Variants in LPAR1 observed in about 807,000 individuals in gnomAD.
The protein encoded by LPAR1 is LPA receptor 1.
Under a neutral mutation model 23.8 loss-of-function variants are expected in LPAR1, and 5 were observed. That is an observed-to-expected ratio of 0.21 (90% CI 0.11 to 0.44). The LOEUF (loss-of-function observed/expected upper bound fraction) is 0.44. Ranked by LOEUF, LPAR1 falls within the 20% of genes least tolerant of loss-of-function variation. The pLI, the probability that LPAR1 is intolerant of heterozygous loss-of-function variation, is 0.99. For synonymous variants in LPAR1, 160 were observed against 164.7 expected, an observed-to-expected ratio of 0.97 and a Z score of 0.22; for missense variants, 311 against 482.8, an observed-to-expected ratio of 0.64 and a Z score of 3.33.
In LPAR1 at chr9:110,951,385, A is replaced by T. The variant is rs150036284; in HGVS notation, c.46-9217T>A. On this transcript the variant is annotated intron_variant, in intron 4 of 5. Transcript: ENST00000683809. ...AAATTAGTAGAAACTTTAGAAACAC[A>T]CATAAGAAAGACTTTCTCTACAGTG... 1.5e-4 allele frequency among the ~76,000 whole-genome samples: 23 copies of T among 152,292 alleles called. No individual in the cohort carries two copies. In the East Asian group the frequency reaches 4.4e-3, roughly 29 times the overall value.
At chr9:110,958,769 T>C (rs2095845585) in intron 4 of LPAR1, among the ~76,000 whole-genome samples, 1 of 151,894 alleles carries the variant, frequency 6.6e-6, no homozygotes, top group African/African-American at 2.4e-5. Context: ...AGGCAACTGG[T>C]TGAATGGGAT....
At chr9:110,931,997 C>T (rs1022927198) in intron 5 of LPAR1, among the ~76,000 whole-genome samples, 62 of 152,078 alleles carry the variant, frequency 4.1e-4, no homozygotes, top group African/African-American at 1.5e-3. Context: ...ATTGACTTGG[C>T]AATGCGGGAA....
At chr9:110,886,134 G>A (rs12335842) in intron 5 of LPAR1, among the ~76,000 whole-genome samples, 4,868 of 151,310 alleles carry the variant, frequency 0.032, 273 homozygotes, top group African/African-American at 0.11. Context: ...AGAGGTAGAG[G>A]TTGCAGTGAG....
At chr9:110,892,560 A>T (rs944873002) in intron 5 of LPAR1, among the ~76,000 whole-genome samples, 2 of 151,778 alleles carry the variant, frequency 1.3e-5, no homozygotes, top group African/African-American at 4.8e-5. Flanking sequence ...GCTGCTCAGG[A>T]GGCTGAGGCA....
At chr9:110,956,852 A>T (rs1220332351) in intron 4 of LPAR1, among the ~76,000 whole-genome samples, 1 of 152,202 alleles carries the variant, frequency 6.6e-6, no homozygotes, top group East Asian at 1.9e-4. Context: ...AAATTCTACC[A>T]AACTTACAAA....
At chr9:110,926,149 T>C (rs2094012482) in intron 5 of LPAR1, among the ~76,000 whole-genome samples, 1 of 152,170 alleles carries the variant, frequency 6.6e-6, no homozygotes, top group Non-Finnish European at 1.5e-5. Flanking sequence ...CTCGATCTCC[T>C]GACCTCGTGA....
At chr9:110,961,937 A>T (rs989224208) in intron 4 of LPAR1, among the ~76,000 whole-genome samples, 2 of 152,222 alleles carry the variant, frequency 1.3e-5, no homozygotes, top group African/African-American at 4.8e-5. Context: ...GTGGGAACAC[A>T]GTCAAACCAT....
At chr9:111,009,849 A>G (rs2418129) in intron 2 of LPAR1, among the ~76,000 whole-genome samples, 25,846 of 151,076 alleles carry the variant, frequency 0.17, 2,867 homozygotes, top group African/African-American at 0.31. Context: ...TATGGAGGGG[A>G]AAAGACTTGG....
At chr9:110,902,637 TAAG>T (rs2133914982) in intron 5 of LPAR1, among the ~76,000 whole-genome samples, 2 of 152,176 alleles carry the variant, frequency 1.3e-5, no homozygotes, top group Non-Finnish European at 2.9e-5. Context: ...CTGCTGACCA[TAAG>T]AAGACAGGAA....
intron 4 of LPAR1, among the ~76,000 whole-genome samples, chr9:110,962,094 G>A (rs2096015917): frequency 6.6e-6 from 1 of 152,184 alleles, no homozygotes; most frequent in African/African-American, 2.4e-5. Flanking sequence ...TGTAACTTCA[G>A]TGTTGCCCTA....
At chr9:110,972,245 A>G in intron 3 of LPAR1, 25 bp from the exon 4 acceptor site, 1 of 807,442 alleles carries the variant, frequency 1.2e-6, no homozygotes. Context: ...GAAAACCCAC[A>G]TTTAGCATAA....
At chr9:111,005,732 C>T (rs145347656) in intron 2 of LPAR1, among the ~76,000 whole-genome samples, 2 of 152,018 alleles carry the variant, frequency 1.3e-5, no homozygotes, top group Non-Finnish European at 2.9e-5. Flanking sequence ...TTACTTCATG[C>T]CTTCCATATT....
At chr9:110,928,440 A>G (rs371241157) in intron 5 of LPAR1, among the ~76,000 whole-genome samples, 144 of 152,284 alleles carry the variant, frequency 9.5e-4, no homozygotes, top group African/African-American at 3.3e-3. Flanking sequence ...GCCACTCTAA[A>G]TAAGTAGTTC....
chr9:110,940,468 G>C (rs576163268), intron 5 of LPAR1, among the ~76,000 whole-genome samples: 89 of 152,218 alleles, frequency 5.8e-4, no homozygotes, highest in South Asian at 2.3e-3. Context: ...AAGAGGAGGT[G>C]ATAAAATGTT....
chr9:110,924,092 G>A (rs2093832084), intron 5 of LPAR1, among the ~76,000 whole-genome samples: 1 of 151,850 alleles, frequency 6.6e-6, no homozygotes, highest in African/African-American at 2.4e-5. Flanking sequence ...ATCCAATATT[G>A]TCATGAATGT....
intron 5 of LPAR1, among the ~76,000 whole-genome samples, chr9:110,892,217 T>C (rs1205574058): frequency 6.6e-6 from 1 of 152,122 alleles, no homozygotes; most frequent in African/African-American, 2.4e-5. Flanking sequence ...AAACAAACTA[T>C]CAATATATGC....
chr9:110,903,751 C>T (rs2090160035), intron 5 of LPAR1, among the ~76,000 whole-genome samples: 1 of 151,798 alleles, frequency 6.6e-6, no homozygotes, highest in South Asian at 2.1e-4. Context: ...AAAATAATGG[C>T]TTAAAATTTT....
intron 4 of LPAR1, among the ~76,000 whole-genome samples, chr9:110,965,265 C>T (rs941388530): frequency 6.6e-6 from 1 of 152,112 alleles, no homozygotes; most frequent in African/African-American, 2.4e-5. Context: ...TCAATGAAAG[C>T]TACAGGAAAT....
At chr9:110,991,595 T>C (rs2096895571) in intron 2 of LPAR1, among the ~76,000 whole-genome samples, 1 of 151,800 alleles carries the variant, frequency 6.6e-6, no homozygotes, top group Admixed American at 6.6e-5. Context: ...GTTGTTGTTG[T>C]TGTTGTTGTT....
Sources: gnomAD v4.1 joint callset for allele counts (sites outside exome capture counted in the v4.1 genomes callset) on GRCh38, gnomAD v4.1.1 for gene constraint, MANE v1.5 for transcripts, NCBI Gene and HGNC (gene_info 2026-07-23, HGNC 2026-07-21) for gene names.